MAGI2: variants seen among roughly 807,000 people sequenced by gnomAD.
MAGI2 encodes the protein membrane-associated guanylate kinase, WW and PDZ domain-containing protein 2.
MAGI2 carries 35 observed loss-of-function variants against 133.3 expected under a neutral mutation model. The observed-to-expected ratio is 0.26, with a 90% CI of 0.20 to 0.35. The LOEUF (loss-of-function observed/expected upper bound fraction) is 0.35. Among genes scored for constraint, MAGI2 ranks in the 10% least tolerant of loss-of-function variants. The pLI, the probability that MAGI2 is intolerant of heterozygous loss-of-function variation, is 1.00. For missense variants in MAGI2, 1,636 were observed against 1,863.4 expected, an observed-to-expected ratio of 0.88 and a Z score of 2.25; for synonymous variants, 729 against 710.6, an observed-to-expected ratio of 1.03 and a Z score of -0.41.
At chr7:78,170,537 C>T (rs1826015357) in intron 14 of MAGI2, 1 of 152,148 alleles carries the variant, frequency 6.6e-6, no homozygotes, top group South Asian at 2.1e-4. Flanking sequence ...ACAAAAATCA[C>T]TACCCTATAG....
rs576109367 is a variant in MAGI2, at chr7:79,022,543, C to A, written c.302-15337G>T. On this transcript the variant is annotated intron_variant, in intron 1 of 21. Transcript: ENST00000354212. ...ACCAAAATCAGAACTGAAATGAAGG[C>A]AATTGAGACACAAAACCCTACAAAA... Among the ~76,000 whole-genome samples, 13 of 147,622 alleles carry A rather than the reference C, an allele frequency of 8.8e-5. No homozygotes were observed. In the South Asian group the frequency reaches 2.7e-3, roughly 30 times the overall value.
At chr7:78,218,737 G>A (rs1584439775) in intron 10 of MAGI2, among the ~76,000 whole-genome samples, 1 of 152,352 alleles carries the variant, frequency 6.6e-6, no homozygotes, top group South Asian at 2.1e-4. Flanking sequence ...TAGGGACTCT[G>A]TGGGTCTGTT....
At chr7:78,519,997 G>C (rs62468570) in intron 4 of MAGI2, among the ~76,000 whole-genome samples, 8,568 of 152,170 alleles carry the variant, frequency 0.056, 286 homozygotes, top group Middle Eastern at 0.16. Flanking sequence ...TTTTGACACA[G>C]ATACTTAAGA....
chr7:78,591,156 C>A (rs577388179), intron 3 of MAGI2, among the ~76,000 whole-genome samples: 3 of 152,158 alleles, frequency 2.0e-5, no homozygotes, highest in South Asian at 4.2e-4. Context: ...GAAATAAATA[C>A]CATGAGAGCA....
chr7:78,878,535 C>G (rs1795600941), intron 2 of MAGI2, among the ~76,000 whole-genome samples: 1 of 152,140 alleles, frequency 6.6e-6, no homozygotes, highest in African/African-American at 2.4e-5. Flanking sequence ...TATAGAGTTT[C>G]AATGGTAGAT....
At chr7:78,806,037 G>A (rs1788549767) in intron 2 of MAGI2, among the ~76,000 whole-genome samples, 1 of 152,128 alleles carries the variant, frequency 6.6e-6, no homozygotes, top group Admixed American at 6.6e-5. Context: ...AACTGTTTGT[G>A]TTATATAACA....
At chr7:78,735,303 AC>A (rs1821743967) in intron 2 of MAGI2, among the ~76,000 whole-genome samples, 1 of 152,292 alleles carries the variant, frequency 6.6e-6, no homozygotes. Flanking sequence ...CATACAGACA[AC>A]CCTGAAGGAC....
intron 4 of MAGI2, among the ~76,000 whole-genome samples, chr7:78,510,034 A>C (rs947867507): frequency 5.3e-5 from 8 of 152,190 alleles, no homozygotes; most frequent in African/African-American, 1.9e-4. Context: ...TCTTCATATT[A>C]TTTCTTTGGA....
intron 2 of MAGI2, among the ~76,000 whole-genome samples, chr7:78,751,886 G>A (rs1409043703): frequency 1.3e-5 from 2 of 152,214 alleles, no homozygotes; most frequent in African/African-American, 2.4e-5. Flanking sequence ...TTGCATAGAA[G>A]TTCTATTGTT....
intron 7 of MAGI2, among the ~76,000 whole-genome samples, chr7:78,366,876 C>A (rs1287644053): frequency 2.6e-5 from 4 of 152,078 alleles, no homozygotes; most frequent in African/African-American, 9.7e-5. Flanking sequence ...AAGACCATGA[C>A]AAATAATAGA....
At chr7:78,687,247 G>A (rs1237158645) in intron 2 of MAGI2, among the ~76,000 whole-genome samples, 1 of 152,086 alleles carries the variant, frequency 6.6e-6, no homozygotes, top group Non-Finnish European at 1.5e-5. Context: ...TATACGATCA[G>A]GAGTATATAA....
chr7:79,023,978 A>T (rs1809601190), intron 1 of MAGI2, among the ~76,000 whole-genome samples: 1 of 152,208 alleles, frequency 6.6e-6, no homozygotes. Flanking sequence ...AGAATTAGAA[A>T]AAAAAATTTT....
At chr7:78,239,629 A>G (rs997493876) in intron 10 of MAGI2, among the ~76,000 whole-genome samples, 3 of 152,264 alleles carry the variant, frequency 2.0e-5, no homozygotes, top group African/African-American at 7.2e-5. Flanking sequence ...AAAAAGATAT[A>G]CAAATGGCCA....
At chr7:78,454,678 C>T (rs1159659677) in intron 6 of MAGI2, among the ~76,000 whole-genome samples, 2 of 152,116 alleles carry the variant, frequency 1.3e-5, no homozygotes, top group African/African-American at 4.8e-5. Context: ...ATATGTCTTT[C>T]ATAGTTTTAA....
At chr7:79,423,156 A>T (rs2129181072) in intron 1 of MAGI2, among the ~76,000 whole-genome samples, 1 of 152,178 alleles carries the variant, frequency 6.6e-6, no homozygotes, top group East Asian at 1.9e-4. Context: ...GTAAAAATAA[A>T]TATACGTATT....
intron 2 of MAGI2, among the ~76,000 whole-genome samples, chr7:78,706,108 G>A (rs1818612779): frequency 6.6e-6 from 1 of 151,904 alleles, no homozygotes; most frequent in Admixed American, 6.6e-5. Flanking sequence ...TTAATATTCT[G>A]GTTAGGAGTC....
intron 9 of MAGI2, among the ~76,000 whole-genome samples, chr7:78,328,471 A>G (rs1246062470): frequency 1.6e-5 from 2 of 124,836 alleles, no homozygotes; most frequent in Non-Finnish European, 3.3e-5. Flanking sequence ...ACGGATGCTT[A>G]TATCTCAGCT....
chr7:78,761,695 T>A (rs771275387), intron 2 of MAGI2, among the ~76,000 whole-genome samples: 5 of 152,110 alleles, frequency 3.3e-5, no homozygotes, highest in African/African-American at 4.8e-5. Flanking sequence ...TGACCTTAGA[T>A]GATCCACTTA....
At chr7:79,435,258 T>C (rs1417852586) in intron 1 of MAGI2, among the ~76,000 whole-genome samples, 2 of 152,214 alleles carry the variant, frequency 1.3e-5, no homozygotes, top group Non-Finnish European at 2.9e-5. Context: ...CATTTATTCA[T>C]TCAATGAATG....
Sources: allele counts gnomAD v4.1 joint callset (sites outside exome capture counted in the v4.1 genomes callset), GRCh38; gene constraint gnomAD v4.1.1; transcripts MANE v1.5; gene names NCBI Gene and HGNC (gene_info 2026-07-23, HGNC 2026-07-21).